The following TET3 variants were observed in gnomAD, a reference collection of about 807,000 sequenced individuals.
The protein encoded by TET3 is methylcytosine dioxygenase TET3.
TET3 carries 19 observed loss-of-function variants against 141.4 expected under a neutral mutation model. The ratio of observed to expected loss-of-function variants is 0.13; its 90% CI spans 0.09 to 0.20. The LOEUF is 0.20. Among genes scored for constraint, TET3 ranks in the 10% least tolerant of loss-of-function variants. The pLI is 1.00. For missense variants in TET3, 1,874 were observed against 2,356.9 expected (o/e 0.80, Z 4.24); for synonymous variants, 1,043 against 980.9 (o/e 1.06, Z -1.18).
chr2:73,999,259 A>C (rs963410772), intron 2 of TET3, among the ~76,000 whole-genome samples: 1 of 152,162 alleles, frequency 6.6e-6, no homozygotes, highest in Non-Finnish European at 1.5e-5. Flanking sequence ...GGTGGCAAGA[A>C]CCCTGTGCAT....
chr2:74,027,757 A>G (rs189777908), intron 3 of TET3, among the ~76,000 whole-genome samples: 1 of 152,188 alleles, frequency 6.6e-6, no homozygotes, highest in African/African-American at 2.4e-5. Context: ...TTGTTTATCC[A>G]TTCTTTAGTC....
rs73948997 is a variant in TET3 at position 74,090,374 on chromosome 2, C to G, written c.3039+327C>G. 8.2e-3 allele frequency among the ~76,000 whole-genome samples: 1,251 copies of G among 152,346 alleles called. 21 individuals carry two copies. The highest frequency in any genetic ancestry group is 0.029 in the African/African-American group (1,190 of 41,576). ...CCCTCTCAGAGGTCATTTCTCCCCC[C>G]CATCTTCCCAGGACACCTTTCTAGG... On this transcript the variant is annotated intron_variant, in intron 8 of 11. Coordinates refer to ENST00000409262, the MANE Select transcript of TET3 (RefSeq NM_001287491.2).
intron 3 of TET3, among the ~76,000 whole-genome samples, chr2:74,040,793 C>G (rs189949409): frequency 1.4e-4 from 22 of 152,244 alleles, no homozygotes; most frequent in Non-Finnish European, 2.5e-4. Context: ...CCTGTGGTCC[C>G]AGCTACTTGG....
chr2:74,049,751 T>C (rs1687840305), intron 4 of TET3, among the ~76,000 whole-genome samples: 1 of 152,110 alleles, frequency 6.6e-6, no homozygotes, highest in African/African-American at 2.4e-5. Context: ...CTCCTCCAGC[T>C]ACCCCTCCCC....
At position 74,107,656 on chromosome 2, in the gene TET3, C is replaced by G. The variant is rs975099935; in HGVS notation, c.*5480C>G. 6.6e-6 allele frequency: 1 copy of G among 152,108 alleles called. No individual in the cohort carries two copies. Among genetic ancestry groups the G allele is most frequent in the African/African-American group, 2.4e-5 (1 of 41,410 alleles). 9.4% of individuals were successfully genotyped at this position (152,108 alleles called of 1,614,324 possible). A position where few individuals can be genotyped will look rare whatever the true frequency, so the allele number is the denominator to read the frequency against. ...TTAATACATTAGACTTAATCTAGAA[C>G]CCCTGTAGCTTTTTGATGTGTTTTA... On this transcript the variant is annotated 3_prime_UTR_variant, in exon 12 of 12. Coordinates refer to ENST00000409262, the MANE Select transcript of TET3 (RefSeq NM_001287491.2).
chr2:74,068,926 C>T (rs1215814043), intron 4 of TET3, among the ~76,000 whole-genome samples: 1 of 152,156 alleles, frequency 6.6e-6, no homozygotes, highest in African/African-American at 2.4e-5. Flanking sequence ...AGCCTTTTGA[C>T]TGATGTGAGT....
At chr2:74,014,588 A>G (rs115954670) in intron 3 of TET3, among the ~76,000 whole-genome samples, 2,517 of 152,172 alleles carry the variant, frequency 0.017, 26 homozygotes, top group Non-Finnish European at 0.024. Flanking sequence ...CCTAAGCAAA[A>G]TCAGTTTGAA....
At chr2:74,089,855 G>A in intron 7 of TET3, 42 bp from the exon 8 acceptor site, 1 of 1,608,924 alleles carries the variant, frequency 6.2e-7, no homozygotes, top group East Asian at 2.2e-5. Flanking sequence ...CAGAACGAAG[G>A]GATATTGCAT....
chr2:74,114,796 G>A, the TET3 span, among the ~76,000 whole-genome samples: 1 of 132,692 alleles, frequency 7.5e-6, no homozygotes, highest in Non-Finnish European at 1.5e-5. Context: ...GGAGATTGCA[G>A]TGAGCTAAGA....
chr2:74,094,695 G>A, intron 10 of TET3, among the ~76,000 whole-genome samples: 1 of 152,134 alleles, frequency 6.6e-6, no homozygotes, highest in East Asian at 1.9e-4. Context: ...GATTTTGGAT[G>A]ATGTGGAAGG....
At chr2:74,119,970 C>G in the TET3 span, among the ~76,000 whole-genome samples, 13 of 152,208 alleles carry the variant, frequency 8.5e-5, no homozygotes, top group African/African-American at 3.1e-4. Flanking sequence ...TTCCTGTGGC[C>G]TTTTGACATT....
intron 4 of TET3, 64 bp downstream of exon 4, chr2:74,048,475 C>T: frequency 6.7e-7 from 1 of 1,487,310 alleles, no homozygotes; most frequent in East Asian, 2.3e-5. Flanking sequence ...GCTAGGATTT[C>T]TAGGCCCTGC....
At chr2:74,066,144 T>C (rs1299221121) in intron 4 of TET3, among the ~76,000 whole-genome samples, 1 of 152,190 alleles carries the variant, frequency 6.6e-6, no homozygotes, top group African/African-American at 2.4e-5. Flanking sequence ...GTCATTGCTC[T>C]TATGTTTCTC....
At chr2:74,098,836 C>T (rs1011259653) in intron 10 of TET3, among the ~76,000 whole-genome samples, 9 of 152,146 alleles carry the variant, frequency 5.9e-5, no homozygotes, top group African/African-American at 2.2e-4. Context: ...TCAGGTGATC[C>T]ACCCGCCTTG....
At chr2:74,120,232 G>A in the TET3 span, among the ~76,000 whole-genome samples, 2 of 152,002 alleles carry the variant, frequency 1.3e-5, no homozygotes, top group Admixed American at 6.5e-5. Context: ...CAACCCCGGA[G>A]CGCTCCATTC....
At chr2:74,079,082 C>G (rs897478875) in intron 5 of TET3, among the ~76,000 whole-genome samples, 13 of 152,228 alleles carry the variant, frequency 8.5e-5, no homozygotes, top group African/African-American at 3.1e-4. Context: ...GCATGCGTGG[C>G]TCACACCTGT....
At chr2:74,086,892 T>C (rs1041590852) in intron 6 of TET3, among the ~76,000 whole-genome samples, 1 of 152,110 alleles carries the variant, frequency 6.6e-6, no homozygotes, top group Admixed American at 6.5e-5. Flanking sequence ...TTCACGTTGT[T>C]GTACAAGCAT....
Position 74,047,082 on chromosome 2 carries a change from T to A in TET3, c.1165T>A (p.Ser389Thr). The A allele has an allele frequency of 6.2e-7, 1 of 1,613,890 alleles. No homozygotes were observed. Among genetic ancestry groups the A allele is most frequent in the Non-Finnish European group, 8.5e-7 (1 of 1,179,842 alleles). Residue 389 changes from serine to threonine, a missense_variant, in exon 4 of 12, where the codon TCA becomes ACA. Physicochemically the swap from Ser to Thr is moderately conservative, Grantham distance 58 (BLOSUM62 1). Coordinates refer to ENST00000409262, the MANE Select transcript of TET3 (RefSeq NM_001287491.2). ...QASCPLPEAL[S>T]PPAPFRSPQS... is the part of the protein sequence containing the mutation. ...TTCTTGCCCCCTTCCTGAGGCCTTG[T>A]CACCTCCTGCCCCTTTCAGATCTCC...
Position 74,102,183 on chromosome 2 carries a change from G to A in TET3, c.*7G>A, listed in dbSNP as rs1425268505. ...CTACAGCCGCTGGATCTAGGTGCCA[G>A]GGAGCCAGCGTACCTCAGCGTCGGG... is the stretch of plus-strand genomic sequence containing the variant. On this transcript the variant is annotated 3_prime_UTR_variant, in exon 12 of 12. Coordinates refer to ENST00000409262, the MANE Select transcript of TET3 (RefSeq NM_001287491.2). The A allele has an allele frequency of 7.0e-7, 1 of 1,434,740 alleles. No homozygotes were observed. The highest frequency in any genetic ancestry group is 9.2e-7 in the Non-Finnish European group (1 of 1,091,664). The allele number at this position is 1,434,740 out of a possible 1,614,324, so 88.9% of individuals were successfully genotyped here. A position where few individuals can be genotyped will look rare whatever the true frequency, so the allele number is the denominator to read the frequency against.
Sources: gnomAD v4.1 joint callset for allele counts (sites outside exome capture counted in the v4.1 genomes callset) on GRCh38, gnomAD v4.1.1 for gene constraint, MANE v1.5 for transcripts, NCBI Gene and HGNC (gene_info 2026-07-23, HGNC 2026-07-21) for gene names.